The following SPOCK3 variants were observed in gnomAD, a reference collection of about 807,000 sequenced individuals.
SPOCK3 encodes testican-3.
Under a neutral mutation model 56.6 loss-of-function variants are expected in SPOCK3, and 30 were observed. That is an observed-to-expected ratio of 0.53 (90% CI 0.40 to 0.72). The LOEUF is 0.72. Among genes scored for constraint, SPOCK3 ranks in the 30% least tolerant of loss-of-function variants. The pLI, the probability that SPOCK3 is intolerant of heterozygous loss-of-function variation, is 0.00. For missense variants in SPOCK3, 527 were observed against 530.0 expected, an observed-to-expected ratio of 0.99 and a Z score of 0.06; for synonymous variants, 196 against 183.3, an observed-to-expected ratio of 1.07 and a Z score of -0.56.
chr4:166,973,282 G>A (rs1178174581), intron 4 of SPOCK3, among the ~76,000 whole-genome samples: 1 of 152,098 alleles, frequency 6.6e-6, no homozygotes, highest in Non-Finnish European at 1.5e-5. Flanking sequence ...GCCATGCAAA[G>A]CTGTGAGTCA....
intron 7 of SPOCK3, among the ~76,000 whole-genome samples, chr4:166,790,487 T>C (rs1741227445): frequency 6.6e-6 from 1 of 152,168 alleles, no homozygotes; most frequent in Non-Finnish European, 1.5e-5. Flanking sequence ...AATTTTTTTC[T>C]AGCTGGTCTC....
chr4:167,218,302 C>T (rs544589352), intron 2 of SPOCK3, among the ~76,000 whole-genome samples: 67 of 152,232 alleles, frequency 4.4e-4, no homozygotes, highest in African/African-American at 1.5e-3. Context: ...GATGTTTTGA[C>T]GTTTTACTTG....
intron 4 of SPOCK3, among the ~76,000 whole-genome samples, chr4:166,983,624 G>A (rs1746825793): frequency 6.6e-6 from 1 of 152,134 alleles, no homozygotes; most frequent in Non-Finnish European, 1.5e-5. Flanking sequence ...TAGAAGAGAG[G>A]ATTTTGAATG....
chr4:166,824,596 A>G (rs1745268374), intron 6 of SPOCK3, among the ~76,000 whole-genome samples: 1 of 152,110 alleles, frequency 6.6e-6, no homozygotes, highest in African/African-American at 2.4e-5. Context: ...TAAAGACATG[A>G]GGAAGAATCA....
At chr4:166,949,925 C>A (rs1241374289) in intron 4 of SPOCK3, among the ~76,000 whole-genome samples, 1 of 150,974 alleles carries the variant, frequency 6.6e-6, no homozygotes. Context: ...TAAAAGAGCT[C>A]CTGAAGGAAG....
rs563048199 is a variant in SPOCK3 at position 167,041,139 on chromosome 4, T to C, written c.235+21353A>G. 2.0e-5 allele frequency among the ~76,000 whole-genome samples: 3 copies of C among 152,296 alleles called. No homozygotes were observed. In the East Asian group the frequency reaches 5.8e-4, roughly 29 times the overall value. On this transcript the variant is annotated intron_variant, in intron 3 of 10. Coordinates refer to ENST00000357545, the MANE Select transcript of SPOCK3 (RefSeq NM_001040159.2). ...AATTCTGCTTCTTACTCTAAATAGC[T>C]GTAGGATCATGGGCAAATTATTTTT...
intron 2 of SPOCK3, among the ~76,000 whole-genome samples, chr4:167,131,555 A>T (rs1762695749): frequency 6.6e-6 from 1 of 152,148 alleles, no homozygotes; most frequent in African/African-American, 2.4e-5. Flanking sequence ...GTGGGCTGAG[A>T]TCACGCCATT....
chr4:166,903,632 G>A lies in SPOCK3; in HGVS notation c.474+8988C>T, dbSNP rs191931109. Among the ~76,000 whole-genome samples the A allele has an allele frequency of 1.6e-3, 249 of 151,966 alleles. 1 individual carries two copies. The highest frequency in any genetic ancestry group is 3.0e-3 in the Non-Finnish European group (201 of 67,970). On this transcript the variant is annotated intron_variant, in intron 5 of 10. Transcript: ENST00000357545. The stretch of plus-strand genomic sequence containing the variant: ...ACAGGCCATTAATCTTAATATTTCC[G>A]GATTGTAGTTATTGACAGGTGTTTT...
Position 166,806,384 on chromosome 4 carries a change from A to T in SPOCK3, c.590-14095T>A, listed in dbSNP as rs536023649. Among the ~76,000 whole-genome samples, 14 of 152,094 alleles carry T rather than the reference A, an allele frequency of 9.2e-5. No individual in the cohort carries two copies. In the South Asian group the frequency reaches 2.5e-3, roughly 27 times the overall value. ...TGAATAATTTTGTTTTAACAAGGTC[A>T]TCTCCCTGGAGATTGTTTATTTCTT... On this transcript the variant is annotated intron_variant, in intron 6 of 10. Transcript: ENST00000357545.
intron 2 of SPOCK3, among the ~76,000 whole-genome samples, chr4:167,105,911 G>A (rs1760095890): frequency 1.3e-5 from 2 of 151,936 alleles, no homozygotes; most frequent in Non-Finnish European, 2.9e-5. Flanking sequence ...TCATGATAAA[G>A]TGGTCAATTC....
At position 166,928,547 on chromosome 4, in the gene SPOCK3, A is replaced by G. The variant is rs949318636; in HGVS notation, c.351-15804T>C. On this transcript the variant is annotated intron_variant, in intron 4 of 10. Coordinates refer to ENST00000357545, the MANE Select transcript of SPOCK3 (RefSeq NM_001040159.2). ...GGTTATTAGGGAGGAAAGGATGAAT[A>G]GGCAGATCACAGAAGACTTTTAGTG... is the stretch of plus-strand genomic sequence containing the variant. Among the ~76,000 whole-genome samples, 11 of 152,338 alleles carry G rather than the reference A, an allele frequency of 7.2e-5. No individual in the cohort carries two copies. The East Asian group carries it at 2.1e-3, about 29-fold the overall frequency.
At chr4:166,790,880 T>C (rs1475887935) in intron 7 of SPOCK3, among the ~76,000 whole-genome samples, 1 of 152,198 alleles carries the variant, frequency 6.6e-6, no homozygotes, top group African/African-American at 2.4e-5. Flanking sequence ...AAAAAATCAA[T>C]ATGTAAGGGT....
chr4:167,045,926 T>C (rs186855465), intron 3 of SPOCK3, among the ~76,000 whole-genome samples: 1 of 152,226 alleles, frequency 6.6e-6, no homozygotes, highest in East Asian at 1.9e-4. Context: ...GATCTGAGTT[T>C]CTGAATTATA....
intron 2 of SPOCK3, among the ~76,000 whole-genome samples, chr4:167,144,191 T>C (rs1011260173): frequency 2.0e-5 from 3 of 152,006 alleles, no homozygotes; most frequent in Admixed American, 6.6e-5. Flanking sequence ...TAAAAGTCTA[T>C]GGAACTATCA....
intron 3 of SPOCK3, among the ~76,000 whole-genome samples, chr4:167,038,490 C>T (rs1210433868): frequency 2.0e-5 from 3 of 151,894 alleles, no homozygotes; most frequent in Non-Finnish European, 4.4e-5. Context: ...TGATTCACTC[C>T]ACACGTCCCA....
intron 2 of SPOCK3, among the ~76,000 whole-genome samples, chr4:167,164,443 A>C (rs563628409): frequency 1.3e-5 from 2 of 152,064 alleles, no homozygotes; most frequent in Non-Finnish European, 2.9e-5. Context: ...TTTTAATTTT[A>C]CTTTAAGTTC....
At chr4:166,793,789 C>T (rs929367947) in intron 6 of SPOCK3, among the ~76,000 whole-genome samples, 3 of 152,058 alleles carry the variant, frequency 2.0e-5, no homozygotes, top group African/African-American at 7.3e-5. Context: ...AGCATAGCAA[C>T]ATAAAAATTA....
intron 2 of SPOCK3, among the ~76,000 whole-genome samples, chr4:167,208,204 T>TG (rs1017512982): frequency 5.3e-5 from 8 of 151,644 alleles, no homozygotes; most frequent in African/African-American, 1.7e-4. Flanking sequence ...TGCCGAAAAG[T>TG]GGGAAAAAAA....
At chr4:167,225,786 T>A (rs1044620704) in intron 2 of SPOCK3, among the ~76,000 whole-genome samples, 87 of 150,158 alleles carry the variant, frequency 5.8e-4, no homozygotes, top group Non-Finnish European at 5.3e-4. Flanking sequence ...AAAAAAAAAA[T>A]CTAAAGAGTA....
Sources: gnomAD v4.1 joint callset for allele counts (sites outside exome capture counted in the v4.1 genomes callset) on GRCh38, gnomAD v4.1.1 for gene constraint, MANE v1.5 for transcripts, NCBI Gene and HGNC (gene_info 2026-07-23, HGNC 2026-07-21) for gene names.